Variants in FREM2 observed in about 807,000 individuals in gnomAD.
FREM2 encodes FRAS1-related extracellular matrix protein 2.
FREM2 carries 119 observed loss-of-function variants against 219.9 expected under a neutral mutation model. The observed-to-expected ratio is 0.54, with a 90% CI of 0.47 to 0.63. The LOEUF is 0.63. Among genes scored for constraint, FREM2 ranks in the 30% least tolerant of loss-of-function variants. The pLI is 0.00. For missense variants in FREM2, 4,030 were observed against 3,993.6 expected, an observed-to-expected ratio of 1.01 and a Z score of -0.25; for synonymous variants, 1,562 against 1,522.8, an observed-to-expected ratio of 1.03 and a Z score of -0.60.
intron 2 of FREM2, among the ~76,000 whole-genome samples, chr13:38,755,129 C>T (rs1420795678): frequency 6.6e-6 from 1 of 151,964 alleles, no homozygotes; most frequent in African/African-American, 2.4e-5. Context: ...TCTTGAACTC[C>T]TGACCTTGTG....
intron 2 of FREM2, among the ~76,000 whole-genome samples, chr13:38,756,205 T>C (rs1351967590): frequency 6.6e-6 from 1 of 152,242 alleles, no homozygotes; most frequent in Non-Finnish European, 1.5e-5. Context: ...TGATTTTAAT[T>C]ATTCAGCGCA....
At chr13:38,872,565 A>G (rs376459650) in intron 16 of FREM2, among the ~76,000 whole-genome samples, 177 bp from the exon 17 acceptor site, 1 of 152,336 alleles carries the variant, frequency 6.6e-6, no homozygotes, top group African/African-American at 2.4e-5. Flanking sequence ...AGTAACAACT[A>G]TTTAATCGAT....
intron 16 of FREM2, among the ~76,000 whole-genome samples, chr13:38,866,237 G>A (rs1435086177): frequency 6.6e-6 from 1 of 152,174 alleles, no homozygotes; most frequent in African/African-American, 2.4e-5. Flanking sequence ...CTTCATGCCT[G>A]TAATCCCAGC....
intron 6 of FREM2, among the ~76,000 whole-genome samples, chr13:38,794,008 T>C (rs1433013679): frequency 6.6e-6 from 1 of 152,192 alleles, no homozygotes; most frequent in African/African-American, 2.4e-5. Flanking sequence ...TGACTTCAAA[T>C]GCGGGATATC....
intron 6 of FREM2, among the ~76,000 whole-genome samples, chr13:38,801,519 G>T (rs1566147026): frequency 6.6e-6 from 1 of 152,016 alleles, no homozygotes; most frequent in African/African-American, 2.4e-5. Context: ...TCTATATATG[G>T]TTTTGGTTGG....
At chr13:38,699,581 T>G (rs911579429) in intron 2 of FREM2, among the ~76,000 whole-genome samples, 5 of 152,108 alleles carry the variant, frequency 3.3e-5, no homozygotes, top group African/African-American at 1.2e-4. Flanking sequence ...GAGAGTTTCA[T>G]GTGAGAGATA....
intron 6 of FREM2, among the ~76,000 whole-genome samples, chr13:38,846,035 G>A (rs961054890): frequency 5.3e-5 from 8 of 152,078 alleles, no homozygotes; most frequent in African/African-American, 1.4e-4. Context: ...TTCAGGACTA[G>A]CAATCATATA....
rs115192563 is a variant in FREM2, at chr13:38,690,487, A to G, written c.3143A>G (p.Asn1048Ser). 62 of 1,614,218 alleles carry G rather than the reference A, an allele frequency of 3.8e-5. No individual in the cohort carries two copies. Among genetic ancestry groups the G allele is most frequent in the African/African-American group, 3.6e-4 (27 of 75,060 alleles). The change falls in exon 1 of 24, where the codon AAT becomes AGT. Residue 1048 changes from asparagine (N) to serine (S), a missense_variant. Coordinates refer to ENST00000280481, the MANE Select transcript of FREM2 (RefSeq NM_207361.6). ...TCTCAAGAATGGAGAATTGGTGGCA[A>G]TACTATCCAAGGAGTTACTATATGG... ...DMSQEWRIGG[N>S]TIQGVTIWVT... is the part of the protein sequence containing the mutation.
rs375326069 is a variant in FREM2 at position 38,750,534 on chromosome 13, A to T, written c.5264-13770A>T. 1.2e-4 allele frequency among the ~76,000 whole-genome samples: 19 copies of T among 152,308 alleles called. No homozygotes were observed. In the East Asian group the frequency reaches 1.4e-3, roughly 11 times the overall value. ...TCTTTATCCATTCATCCATTGATGA[A>T]TACTTAAATTGATTCCATATATTGG... On this transcript the variant is annotated intron_variant, in intron 2 of 23. Transcript: ENST00000280481.
At chr13:38,701,604 G>A (rs901381740) in intron 2 of FREM2, among the ~76,000 whole-genome samples, 2 of 151,826 alleles carry the variant, frequency 1.3e-5, no homozygotes, top group African/African-American at 4.8e-5. Flanking sequence ...TTTTCTATAA[G>A]GTATTCTAAC....
intron 2 of FREM2, among the ~76,000 whole-genome samples, chr13:38,759,935 G>A (rs1873163310): frequency 2.0e-5 from 3 of 152,248 alleles, no homozygotes; most frequent in African/African-American, 7.2e-5. Flanking sequence ...ATTATACAAG[G>A]TCACAGTTTT....
At chr13:38,865,885 A>G (rs1160247954) in intron 16 of FREM2, among the ~76,000 whole-genome samples, 1 of 152,212 alleles carries the variant, frequency 6.6e-6, no homozygotes, top group Non-Finnish European at 1.5e-5. Context: ...AACACGTATA[A>G]GTGTTCATCC....
chr13:38,739,702 C>T (rs778193852), intron 2 of FREM2, among the ~76,000 whole-genome samples: 4 of 152,232 alleles, frequency 2.6e-5, no homozygotes, highest in African/African-American at 4.8e-5. Context: ...TCACCCAGGA[C>T]GGAGAGCCTT....
chr13:38,706,842 G>A (rs928756170), intron 2 of FREM2, among the ~76,000 whole-genome samples: 3 of 152,056 alleles, frequency 2.0e-5, no homozygotes, highest in Non-Finnish European at 2.9e-5. Context: ...AAGGACAAAT[G>A]TCATACTTAA....
rs138055870 is a variant in FREM2 at position 38,835,146 on chromosome 13, G to C, written c.6020-11427G>C. On this transcript the variant is annotated intron_variant, in intron 6 of 23. Transcript: ENST00000280481. ...TGTATAAGCTGTAAGGAAGGAGTCC[G>C]GTTTCAGTTTACTGTGTATGGCTAG... Among the ~76,000 whole-genome samples the C allele has an allele frequency of 7.9e-5, 12 of 152,112 alleles. No individual in the cohort carries two copies. The East Asian group carries it at 2.1e-3, about 27-fold the overall frequency.
chr13:38,781,979 G>A (rs1874135662), intron 4 of FREM2, among the ~76,000 whole-genome samples: 1 of 152,132 alleles, frequency 6.6e-6, no homozygotes. Flanking sequence ...GGCCCACTCT[G>A]CTTTTGCCCT....
intron 8 of FREM2, 72 bp downstream of exon 8, chr13:38,848,742 A>G: frequency 7.9e-7 from 1 of 1,264,864 alleles, no homozygotes; most frequent in Non-Finnish European, 1.1e-6. Flanking sequence ...TATATATGAT[A>G]AGCAAGATGA....
intron 2 of FREM2, among the ~76,000 whole-genome samples, chr13:38,721,347 G>T (rs1450786612): frequency 6.6e-6 from 1 of 152,066 alleles, no homozygotes; most frequent in Non-Finnish European, 1.5e-5. Flanking sequence ...ACATAGGTAG[G>T]GTCAGAGATG....
chr13:38,808,259 T>A (rs1485792179), intron 6 of FREM2, among the ~76,000 whole-genome samples: 2 of 151,952 alleles, frequency 1.3e-5, no homozygotes, highest in Admixed American at 1.3e-4. Context: ...TTTTGGCTGG[T>A]TTGATATTCT....
Sources: gnomAD v4.1 joint callset for allele counts (sites outside exome capture counted in the v4.1 genomes callset) on GRCh38, gnomAD v4.1.1 for gene constraint, MANE v1.5 for transcripts, NCBI Gene and HGNC (gene_info 2026-07-23, HGNC 2026-07-21) for gene names.